PRR5L: variants seen among roughly 807,000 people sequenced by gnomAD.
PRR5L encodes proline-rich protein 5-like.
A neutral mutation model predicts 36.4 loss-of-function variants in PRR5L; 21 were observed. That is an observed-to-expected ratio of 0.58 (90% CI 0.41 to 0.83). The LOEUF is 0.83. Among genes scored for constraint, PRR5L ranks in the 40% least tolerant of loss-of-function variants. The pLI is 0.00. For synonymous variants in PRR5L, 188 were observed against 197.0 expected (o/e 0.95, Z 0.38); for missense variants, 381 against 473.3 (o/e 0.80, Z 1.81).
chr11:36,334,407 A>AT (rs1317604020), intron 1 of PRR5L, among the ~76,000 whole-genome samples: 1 of 152,208 alleles, frequency 6.6e-6, no homozygotes, highest in Non-Finnish European at 1.5e-5. Flanking sequence ...GCTCCTGGCC[A>AT]TGGCCTCCAA....
chr11:36,389,809 C>T (rs1470743079), intron 1 of PRR5L, among the ~76,000 whole-genome samples: 1 of 152,092 alleles, frequency 6.6e-6, no homozygotes, highest in Non-Finnish European at 1.5e-5. Flanking sequence ...ACGGGGGTTT[C>T]GCCATGTTGG....
intron 4 of PRR5L, 108 bp from the exon 5 acceptor site, chr11:36,431,745 C>T: frequency 1.0e-6 from 1 of 986,040 alleles, no homozygotes; most frequent in Non-Finnish European, 1.6e-6. Flanking sequence ...ACGGCTAGAA[C>T]ACAAGTGCCT....
intron 1 of PRR5L, among the ~76,000 whole-genome samples, chr11:36,351,035 T>TAG (rs1373809251): frequency 5.0e-5 from 1 of 20,128 alleles, no homozygotes; most frequent in Non-Finnish European, 8.0e-5. Context: ...TATATTTATT[T>TAG]TTTAATATAT....
intron 1 of PRR5L, among the ~76,000 whole-genome samples, chr11:36,320,657 A>C (rs902349496): frequency 1.1e-4 from 16 of 152,214 alleles, no homozygotes; most frequent in African/African-American, 3.6e-4. Flanking sequence ...AGAGCTATGC[A>C]TGCTACTTGC....
chr11:36,355,618 C>T (rs1156515596), intron 1 of PRR5L, among the ~76,000 whole-genome samples: 1 of 149,514 alleles, frequency 6.7e-6, no homozygotes, highest in Non-Finnish European at 1.5e-5. Flanking sequence ...GGTGCAATCT[C>T]AGCTCACTGC....
At chr11:36,411,193 G>T (rs996722258) in intron 3 of PRR5L, among the ~76,000 whole-genome samples, 1 of 152,280 alleles carries the variant, frequency 6.6e-6, no homozygotes, top group African/African-American at 2.4e-5. Flanking sequence ...TCCATCCGAG[G>T]TGATTTCCCT....
chr11:36,341,347 C>T (rs1356654562), intron 1 of PRR5L, among the ~76,000 whole-genome samples: 1 of 152,120 alleles, frequency 6.6e-6, no homozygotes, highest in East Asian at 1.9e-4. Flanking sequence ...ATGGCTGGTT[C>T]AAGGGGGTGA....
At chr11:36,390,858 A>G (rs1199192099) in intron 1 of PRR5L, among the ~76,000 whole-genome samples, 2 of 152,326 alleles carry the variant, frequency 1.3e-5, no homozygotes, top group African/African-American at 4.8e-5. Context: ...TGGTGCTATC[A>G]TGATCATCAA....
At chr11:36,381,919 G>A (rs1255089438) in intron 1 of PRR5L, among the ~76,000 whole-genome samples, 1 of 152,062 alleles carries the variant, frequency 6.6e-6, no homozygotes, top group Non-Finnish European at 1.5e-5. Flanking sequence ...AGCACTTTGG[G>A]AGGCCGAGGC....
intron 3 of PRR5L, among the ~76,000 whole-genome samples, chr11:36,408,016 G>A (rs1481330440): frequency 2.6e-5 from 4 of 152,144 alleles, no homozygotes; most frequent in Admixed American, 6.5e-5. Context: ...GGCTCACCCC[G>A]TAGTCCCAGA....
chr11:36,315,065 CTT>C (rs1016246037), intron 1 of PRR5L, among the ~76,000 whole-genome samples: 7 of 152,270 alleles, frequency 4.6e-5, no homozygotes, highest in African/African-American at 1.7e-4. Flanking sequence ...GCATTGACAA[CTT>C]TTTATGATGT....
chr11:36,308,051 C>T (rs1856453526), intron 1 of PRR5L, among the ~76,000 whole-genome samples: 1 of 152,144 alleles, frequency 6.6e-6, no homozygotes, highest in Admixed American at 6.5e-5. Context: ...TCAGTCTGTC[C>T]CTGGGGTTTG....
chr11:36,298,177 T>C (rs1442926235), intron 1 of PRR5L, among the ~76,000 whole-genome samples: 1 of 152,108 alleles, frequency 6.6e-6, no homozygotes, highest in South Asian at 2.1e-4. Context: ...CATGACAAAA[T>C]ATCACAGACT....
chr11:36,424,826 G>GC (rs879573286), intron 4 of PRR5L, among the ~76,000 whole-genome samples: 2 of 143,270 alleles, frequency 1.4e-5, no homozygotes, highest in East Asian at 2.0e-4. Context: ...CAAGTGATCT[G>GC]TTTTTTTTTT....
rs373442700 is a variant in PRR5L, at chr11:36,363,158, A to C, written c.-125-37839A>C. Reference sequence around the variant, plus strand: ...GGGCATAGGATGAGGTGAGAGGGAAAGAGTGGCCGGGAATGAGGCTGTGGT... The same window carrying C: ...GGGCATAGGATGAGGTGAGAGGGAACGAGTGGCCGGGAATGAGGCTGTGGT... On this transcript the variant is annotated intron_variant, in intron 1 of 8. Coordinates refer to ENST00000530639, the MANE Select transcript of PRR5L (RefSeq NM_001160167.2). Among the ~76,000 whole-genome samples, 9 of 152,336 alleles carry C rather than the reference A, an allele frequency of 5.9e-5. No homozygotes were observed. In the East Asian group the frequency reaches 1.3e-3, roughly 23 times the overall value.
chr11:36,349,492 G>T (rs1325366567), intron 1 of PRR5L, among the ~76,000 whole-genome samples: 2 of 152,024 alleles, frequency 1.3e-5, no homozygotes, highest in African/African-American at 4.8e-5. Context: ...TTTCCTGCAG[G>T]GAAGTCCTGG....
intron 1 of PRR5L, among the ~76,000 whole-genome samples, chr11:36,392,356 T>C (rs1033188692): frequency 2.0e-5 from 3 of 152,248 alleles, no homozygotes; most frequent in Admixed American, 6.5e-5. Flanking sequence ...CTGAATCATA[T>C]GGTAGCCCTA....
At position 36,431,916 on chromosome 11, in the gene PRR5L, T is replaced by C; in HGVS notation, c.352+6T>C. 6.2e-7 allele frequency: 1 copy of C among 1,613,240 alleles called. No individual in the cohort carries two copies. Among genetic ancestry groups the C allele is most frequent in the Non-Finnish European group, 8.5e-7 (1 of 1,179,216 alleles). On this transcript the variant is annotated splice_donor_region_variant and intron_variant, in intron 5 of 8. Coordinates refer to ENST00000530639, the MANE Select transcript of PRR5L (RefSeq NM_001160167.2). ...GAAGATCAAGCTGTGTGAAGGCAAGTACAAGACAGCCCTGGTAGACTGGGG... is the reference window on the plus strand; with the variant it reads ...GAAGATCAAGCTGTGTGAAGGCAAGCACAAGACAGCCCTGGTAGACTGGGG...
rs73449332 is a variant in PRR5L at position 36,462,060 on chromosome 11, A to G, written c.713-282A>G. On this transcript the variant is annotated intron_variant, in intron 8 of 8. Coordinates refer to ENST00000530639, the MANE Select transcript of PRR5L (RefSeq NM_001160167.2). ...GAAGCTCAGGCAGCAGCTGAAAAACACACCAGATTCCCTTGACTCTTATCT... is the reference window on the plus strand; with the variant it reads ...GAAGCTCAGGCAGCAGCTGAAAAACGCACCAGATTCCCTTGACTCTTATCT... Among the ~76,000 whole-genome samples, 721 of 152,320 alleles carry G rather than the reference A, an allele frequency of 4.7e-3. 5 individuals are homozygous for G. The highest frequency in any genetic ancestry group is 0.016 in the African/African-American group (655 of 41,566).
Sources: allele counts gnomAD v4.1 joint callset (sites outside exome capture counted in the v4.1 genomes callset), GRCh38; gene constraint gnomAD v4.1.1; transcripts MANE v1.5; gene names NCBI Gene and HGNC (gene_info 2026-07-23, HGNC 2026-07-21).